Variants in CFAP53 observed in about 807,000 individuals in gnomAD.
CFAP53 encodes the protein cilia and flagella associated protein 53.
In CFAP53, 62 loss-of-function variants were observed where a neutral mutation model predicts 59.7. That is an observed-to-expected ratio of 1.04 (90% confidence interval 0.85 to 1.28). The LOEUF is 1.28. Among genes scored for constraint, CFAP53 ranks in the 50% most tolerant of loss-of-function variants. The pLI, the probability that CFAP53 is intolerant of heterozygous loss-of-function variation, is 0.00. For synonymous variants in CFAP53, 218 were observed against 205.7 expected (o/e 1.06, Z -0.51); for missense variants, 629 against 615.6 (o/e 1.02, Z -0.23).
rs569750912 is a variant in CFAP53 at position 50,239,799 on chromosome 18, T to G, written c.1214-1094A>C. 3.3e-5 allele frequency among the ~76,000 whole-genome samples: 5 copies of G among 152,348 alleles called. No homozygotes were observed. In the East Asian group the frequency reaches 9.6e-4, roughly 29 times the overall value. On this transcript the variant is annotated intron_variant, in intron 6 of 7. Transcript: ENST00000398545. ...CTAATTTGTGAAAGAAAATTATATA[T>G]GTAGTAAAAATACTAGAAGAAAATA...
intron 3 of CFAP53, among the ~76,000 whole-genome samples, chr18:50,252,221 A>G (rs138457406): frequency 0.019 from 2,946 of 151,944 alleles, 48 homozygotes; most frequent in Non-Finnish European, 0.028. Flanking sequence ...CTCCTGCCTC[A>G]GCCTTCTGAG....
At chr18:50,232,701 C>G (rs1305657603) in intron 7 of CFAP53, among the ~76,000 whole-genome samples, 3 of 152,224 alleles carry the variant, frequency 2.0e-5, no homozygotes, top group Non-Finnish European at 4.4e-5. Flanking sequence ...CTCACCTTAA[C>G]TGATAACTTG....
intron 3 of CFAP53, chr18:50,256,322 T>G (rs1442112434): frequency 2.6e-5 from 4 of 152,166 alleles, no homozygotes; most frequent in African/African-American, 9.7e-5. Flanking sequence ...AGCAAAGATG[T>G]CCAAATCCCA....
At chr18:50,262,376 A>G (rs1213291863) in intron 1 of CFAP53, among the ~76,000 whole-genome samples, 157 bp from the exon 2 acceptor site, 1 of 152,244 alleles carries the variant, frequency 6.6e-6, no homozygotes, top group Non-Finnish European at 1.5e-5. Flanking sequence ...GCACCTAAAG[A>G]GTAACTTGTT....
intron 7 of CFAP53, among the ~76,000 whole-genome samples, chr18:50,232,169 A>T (rs549105834): frequency 6.6e-6 from 1 of 152,240 alleles, no homozygotes; most frequent in African/African-American, 2.4e-5. Context: ...CCCAAGCAGC[A>T]TGTTTTCTAG....
chr18:50,238,447 T>G (rs1301465162), intron 7 of CFAP53, among the ~76,000 whole-genome samples, 156 bp downstream of exon 7: 1 of 152,146 alleles, frequency 6.6e-6, no homozygotes, highest in Non-Finnish European at 1.5e-5. Flanking sequence ...AGATGAGATC[T>G]TGCTATACTG....
chr18:50,227,458 C>T lies in CFAP53; in HGVS notation c.1468G>A (p.Val490Ile). Residue 490 changes from valine to isoleucine, a missense_variant, in exon 8 of 8, where the codon GTC becomes ATC. Physicochemically the swap from Val to Ile is conservative, Grantham distance 29. Coordinates refer to ENST00000398545, the MANE Select transcript of CFAP53 (RefSeq NM_145020.5). ...NKMCLDKVQE[V>I]LSTHQVLPQN... ...GGCAGCACTTGATGGGTGGACAGGA[C>T]CTCCTGGACCTTGTCCAAACACATC... 1.2e-6 allele frequency: 2 copies of T among 1,614,132 alleles called. No individual in the cohort carries two copies. The highest frequency in any genetic ancestry group is 2.2e-5 in the South Asian group (2 of 91,072).
chr18:50,262,057 G>T lies in CFAP53; in HGVS notation c.232C>A (p.Leu78Ile). The part of the protein sequence containing the change: ...QHNDCKILDS[L>I]VRARIKDAVQ... The stretch of plus-strand genomic sequence containing the variant: ...GCATCCTTGATTCTTGCTCGCACAA[G>T]GCTGTCCAAAATCTTGCAGTCATTG... Residue 78 changes from leucine to isoleucine, a missense_variant, in exon 2 of 8, where the codon CTT becomes ATT. Coordinates refer to ENST00000398545, the MANE Select transcript of CFAP53 (RefSeq NM_145020.5). 6.2e-7 allele frequency: 1 copy of T among 1,614,130 alleles called. No individual in the cohort carries two copies. Among genetic ancestry groups the T allele is most frequent in the African/African-American group, 1.3e-5 (1 of 75,014 alleles).
At chr18:50,250,509 T>C (rs147849231) in intron 5 of CFAP53, among the ~76,000 whole-genome samples, 1 of 152,300 alleles carries the variant, frequency 6.6e-6, no homozygotes, top group East Asian at 1.9e-4. Flanking sequence ...TTAGTTAGCA[T>C]CAGAATCACC....
In CFAP53 at chr18:50,251,707, A is replaced by G. The variant is rs369154071; in HGVS notation, c.551T>C (p.Ile184Thr). The G allele has an allele frequency of 1.9e-6, 3 of 1,614,084 alleles. No individual in the cohort carries two copies. The highest frequency in any genetic ancestry group is 1.7e-5 in the Admixed American group (1 of 59,994). Residue 184 changes from isoleucine (I) to threonine (T), a missense_variant, in exon 4 of 8, where the codon ATT (isoleucine) becomes ACT (threonine). Transcript: ENST00000398545. ...KKVCEERKAQIAFNEELSRQK... is the reference protein window; with the variant it reads ...KKVCEERKAQTAFNEELSRQK... ...CCTGCTCAGCTCCTCATTAAATGCA[A>G]TCTGTGCTTTCCGCTCCTCACACAC...
intron 2 of CFAP53, among the ~76,000 whole-genome samples, chr18:50,261,527 G>C (rs1180072175): frequency 6.6e-6 from 1 of 151,962 alleles, no homozygotes; most frequent in Non-Finnish European, 1.5e-5. Flanking sequence ...TGAACAGCTG[G>C]GACTACAGGC....
chr18:50,248,141 A>C (rs1320731), intron 5 of CFAP53, among the ~76,000 whole-genome samples: 48,342 of 132,192 alleles, frequency 0.37, 8,212 homozygotes, highest in East Asian at 0.51. Flanking sequence ...AAAAAAAAAA[A>C]AAAAACAGAA....
intron 6 of CFAP53, among the ~76,000 whole-genome samples, chr18:50,239,283 A>C (rs2033666233): frequency 6.6e-6 from 1 of 151,832 alleles, no homozygotes; most frequent in South Asian, 2.1e-4. Context: ...AGCTGCTCAG[A>C]AGGCTGAGGC....
At chr18:50,243,145 A>C (rs774501053) in intron 5 of CFAP53, 29 bp from the exon 6 acceptor site, 1 of 1,562,938 alleles carries the variant, frequency 6.4e-7, no homozygotes, top group Non-Finnish European at 8.8e-7. Context: ...CATATTGTTA[A>C]AATTTTTTGG....
At chr18:50,235,674 G>C (rs755722503) in intron 7 of CFAP53, among the ~76,000 whole-genome samples, 1 of 152,150 alleles carries the variant, frequency 6.6e-6, no homozygotes, top group African/African-American at 2.4e-5. Context: ...AAACCAAAAT[G>C]TTACTGCAGT....
At chr18:50,244,034 TC>T (rs897733119) in intron 5 of CFAP53, among the ~76,000 whole-genome samples, 1 of 152,190 alleles carries the variant, frequency 6.6e-6, no homozygotes, top group African/African-American at 2.4e-5. Flanking sequence ...CCTTTTACGT[TC>T]CCCCAGGTGA....
intron 1 of CFAP53, among the ~76,000 whole-genome samples, chr18:50,263,454 A>T (rs2033912782): frequency 6.6e-6 from 1 of 152,224 alleles, no homozygotes; most frequent in South Asian, 2.1e-4. Context: ...TTCAGGGCTC[A>T]GGGTACACAT....
At chr18:50,251,857 A>G (rs1458546173) in intron 3 of CFAP53, 73 bp from the exon 4 acceptor site, 2 of 1,272,106 alleles carry the variant, frequency 1.6e-6, no homozygotes, top group South Asian at 1.4e-5. Flanking sequence ...ACACATCTGT[A>G]CAATCACACA....
intron 1 of CFAP53, among the ~76,000 whole-genome samples, chr18:50,265,660 T>A (rs185419662): frequency 6.6e-6 from 1 of 152,346 alleles, no homozygotes; most frequent in African/African-American, 2.4e-5. Context: ...GAAACTAATT[T>A]GTAGAAACAA....
Sources: gnomAD v4.1 joint callset for allele counts (sites outside exome capture counted in the v4.1 genomes callset) on GRCh38, gnomAD v4.1.1 for gene constraint, MANE v1.5 for transcripts, NCBI Gene and HGNC (gene_info 2026-07-23, HGNC 2026-07-21) for gene names.